The following CPEB3 variants were observed in gnomAD, a reference collection of about 807,000 sequenced individuals.
CPEB3 encodes cytoplasmic polyadenylation element-binding protein 3.
CPEB3 carries 20 observed loss-of-function variants against 67.2 expected under a neutral mutation model. The observed-to-expected ratio is 0.30, with a 90% CI of 0.21 to 0.43. The LOEUF is 0.43. CPEB3 is among the 20% of genes least tolerant of loss of function. The probability of loss-of-function intolerance (pLI) is 1.00; values close to 1 mark genes in which losing one functional copy is unlikely to be tolerated. For synonymous variants in CPEB3, 376 were observed against 393.1 expected (o/e 0.96, Z 0.51); for missense variants, 746 against 968.6 (o/e 0.77, Z 3.05).
At chr10:92,081,805 T>C (rs1206265284) in intron 8 of CPEB3, among the ~76,000 whole-genome samples, 5 of 152,224 alleles carry the variant, frequency 3.3e-5, no homozygotes, top group Non-Finnish European at 7.3e-5. Context: ...TAATTTCTAA[T>C]TGCTTAGTCC....
At chr10:92,241,926 A>T (rs538439937) in intron 1 of CPEB3, among the ~76,000 whole-genome samples, 152 of 152,344 alleles carry the variant, frequency 1.0e-3, no homozygotes, top group African/African-American at 3.5e-3. Flanking sequence ...TAACCCAGAT[A>T]CTTGGAGAGG....
intron 6 of CPEB3, among the ~76,000 whole-genome samples, chr10:92,140,142 A>T (rs1159254796): frequency 2.6e-5 from 4 of 152,112 alleles, no homozygotes; most frequent in Non-Finnish European, 4.4e-5. Flanking sequence ...TTTAAAGTTC[A>T]TATGGAACCA....
chr10:92,131,924 C>T (rs998532970), intron 6 of CPEB3, among the ~76,000 whole-genome samples: 68 of 152,062 alleles, frequency 4.5e-4, no homozygotes, highest in African/African-American at 1.6e-3. Context: ...TAATATGACT[C>T]ACATATGTAA....
At chr10:92,256,313 A>T (rs555746012) in intron 1 of CPEB3, among the ~76,000 whole-genome samples, 3 of 152,006 alleles carry the variant, frequency 2.0e-5, no homozygotes, top group African/African-American at 7.2e-5. Flanking sequence ...ATTCGAACAT[A>T]GTTTTACCAT....
At chr10:92,094,430 G>A (rs555875710) in intron 7 of CPEB3, among the ~76,000 whole-genome samples, 45 of 151,934 alleles carry the variant, frequency 3.0e-4, no homozygotes, top group Middle Eastern at 3.4e-3. Context: ...GTGAAACCCC[G>A]TTTCTACTAA....
At chr10:92,127,485 G>A (rs141895808) in intron 6 of CPEB3, among the ~76,000 whole-genome samples, 7 of 152,178 alleles carry the variant, frequency 4.6e-5, no homozygotes, top group Non-Finnish European at 1.0e-4. Flanking sequence ...CGACCAGCCT[G>A]GGCAATATGG....
intron 7 of CPEB3, among the ~76,000 whole-genome samples, chr10:92,094,943 T>C (rs1331445774): frequency 6.6e-6 from 1 of 152,146 alleles, no homozygotes; most frequent in Non-Finnish European, 1.5e-5. Context: ...AATCACTTTA[T>C]GTTAATTGCG....
rs887909133 is a variant in CPEB3, at chr10:92,240,148, G to C, written c.203C>G (p.Pro68Arg). 1 of 1,556,876 alleles carries C rather than the reference G, an allele frequency of 6.4e-7. No individual in the cohort carries two copies. Residue 68 changes from proline (P) to arginine (R), a missense_variant, in exon 2 of 10, where the codon CCG becomes CGG. Pro to Arg is a moderately radical substitution (Grantham distance 103). This residue lies in a region of CPEB3 where 643 missense variants were observed against 717.5 expected (regional missense o/e 0.90). Coordinates refer to ENST00000265997, the MANE Select transcript of CPEB3 (RefSeq NM_014912.5). ...CGGTGATTCCATCTGCATCTTGTCC[G>C]GGCCGTTGGGGGCCGGGGGGGCAGC... ...PAAAPPAPNG[P>R]DKMQMESPLL...
At chr10:92,289,831 TTATA>T (rs925762112) in intron 1 of CPEB3, among the ~76,000 whole-genome samples, 2 of 141,486 alleles carry the variant, frequency 1.4e-5, no homozygotes, top group East Asian at 4.0e-4. Context: ...TACATATATA[TTATA>T]TATAATACAA....
intron 2 of CPEB3, among the ~76,000 whole-genome samples, chr10:92,236,797 G>A (rs989268708): frequency 1.3e-5 from 2 of 152,092 alleles, no homozygotes; most frequent in South Asian, 2.1e-4. Flanking sequence ...TGCAATATAA[G>A]CCATGTAAGT....
rs541229513 is a variant in CPEB3 at position 92,209,826 on chromosome 10, A to G, written c.1006-17190T>C. Among the ~76,000 whole-genome samples, 119 of 151,226 alleles carry G rather than the reference A, an allele frequency of 7.9e-4. 1 individual carries two copies. Among genetic ancestry groups the G allele is most frequent in the African/African-American group, 2.7e-3 (113 of 41,224 alleles). On this transcript the variant is annotated intron_variant, in intron 2 of 9. Transcript: ENST00000265997. ...GTAGCAGGCGCCTGTAATCCCAGCT[A>G]CTCAGGAGGCTGAGGCAGGAGAATC...
At chr10:92,174,491 A>ACAAT (rs1848138558) in intron 4 of CPEB3, among the ~76,000 whole-genome samples, 1 of 152,228 alleles carries the variant, frequency 6.6e-6, no homozygotes, top group Non-Finnish European at 1.5e-5. Flanking sequence ...ACATTGTTTA[A>ACAAT]CAATCAATGA....
chr10:92,136,699 T>G (rs1274768941), intron 6 of CPEB3, among the ~76,000 whole-genome samples: 2 of 152,148 alleles, frequency 1.3e-5, no homozygotes, highest in East Asian at 3.9e-4. Flanking sequence ...TAGCTGGGAT[T>G]ACAGGCATGG....
chr10:92,190,665 C>CAAAAAAAAAAAAAAAAA (rs780757034), intron 3 of CPEB3, among the ~76,000 whole-genome samples: 1 of 78,394 alleles, frequency 1.3e-5, no homozygotes, highest in African/African-American at 5.2e-5. Flanking sequence ...AACTCCATCT[C>CAAAAAAAAAAAAAAAAA]AAAAAAAAAA....
chr10:92,053,357 AT>A (rs60929048), intron 9 of CPEB3, among the ~76,000 whole-genome samples: 41,604 of 148,494 alleles, frequency 0.28, 5,791 homozygotes, highest in Middle Eastern at 0.33. Flanking sequence ...TAACTTTATC[AT>A]TTTTTTTTTT....
At chr10:92,194,208 G>A (rs1317294081) in intron 2 of CPEB3, among the ~76,000 whole-genome samples, 2 of 151,936 alleles carry the variant, frequency 1.3e-5, no homozygotes, top group African/African-American at 2.4e-5. Flanking sequence ...TTGGGAGGCC[G>A]AGGTAGGCAG....
rs749751606 is a variant in CPEB3 at position 92,052,184 on chromosome 10, A to G, written c.*28T>C. On this transcript the variant is annotated 3_prime_UTR_variant, in exon 10 of 10. Coordinates refer to ENST00000265997, the MANE Select transcript of CPEB3 (RefSeq NM_014912.5). ...CTTTTCCCTCCTTGTTATCTACTCC[A>G]GTACTTGTGGCTGGGTCGGCCCGTG... The G allele has an allele frequency of 3.9e-6, 6 of 1,521,964 alleles. No individual in the cohort carries two copies. The highest frequency in any genetic ancestry group is 5.5e-6 in the Non-Finnish European group (6 of 1,097,802). 94.3% of individuals were successfully genotyped at this position (1,521,964 alleles called of 1,614,324 possible). A position where few individuals can be genotyped will look rare whatever the true frequency, so the allele number is the denominator to read the frequency against.
At chr10:92,094,118 G>A (rs1223225016) in intron 7 of CPEB3, among the ~76,000 whole-genome samples, 1 of 151,972 alleles carries the variant, frequency 6.6e-6, no homozygotes, top group Non-Finnish European at 1.5e-5. Context: ...GCCTCCCAAA[G>A]TGCTGGGATT....
intron 2 of CPEB3, among the ~76,000 whole-genome samples, chr10:92,232,927 A>G (rs991073203): frequency 6.6e-6 from 1 of 152,224 alleles, no homozygotes; most frequent in African/African-American, 2.4e-5. Flanking sequence ...ACTTTTCAAC[A>G]TGCAATTTTG....
Sources: allele counts gnomAD v4.1 joint callset (sites outside exome capture counted in the v4.1 genomes callset), GRCh38; gene constraint gnomAD v4.1.1; regional missense constraint gnomAD v4.1.1; transcripts MANE v1.5; gene names NCBI Gene and HGNC (gene_info 2026-07-23, HGNC 2026-07-21).